NRXN3: variants seen among roughly 807,000 people sequenced by gnomAD.
NRXN3 encodes the protein neurexin III.
A neutral mutation model predicts 137.6 loss-of-function variants in NRXN3; 32 were observed. That is an observed-to-expected ratio of 0.23 (90% CI 0.18 to 0.31). The LOEUF is 0.31. NRXN3 is among the 10% of genes least tolerant of loss of function. The probability of loss-of-function intolerance (pLI) is 1.00; values close to 1 mark genes in which losing one functional copy is unlikely to be tolerated. For missense variants in NRXN3, 1,574 were observed against 2,062.5 expected (o/e 0.76, Z 4.59); for synonymous variants, 798 against 784.5 (o/e 1.02, Z -0.29).
intron 15 of NRXN3, among the ~76,000 whole-genome samples, chr14:79,198,932 C>T (rs190735209): frequency 3.3e-5 from 5 of 152,202 alleles, no homozygotes; most frequent in East Asian, 3.9e-4. Context: ...TTTGGGAGGC[C>T]GAGAAAGGCG....
intron 4 of NRXN3, among the ~76,000 whole-genome samples, chr14:78,325,961 G>A (rs1299995619): frequency 6.6e-6 from 1 of 152,004 alleles, no homozygotes; most frequent in Non-Finnish European, 1.5e-5. Context: ...TCCTGGAGAG[G>A]GTGACAAACT....
intron 15 of NRXN3, among the ~76,000 whole-genome samples, chr14:79,376,443 C>T (rs1053483097): frequency 6.6e-6 from 1 of 151,742 alleles, no homozygotes; most frequent in African/African-American, 2.4e-5. Context: ...TCCTCATCCT[C>T]CAATTAATTA....
intron 4 of NRXN3, among the ~76,000 whole-genome samples, chr14:78,524,988 C>A (rs2153806288): frequency 6.6e-6 from 1 of 152,258 alleles, no homozygotes; most frequent in South Asian, 2.1e-4. Flanking sequence ...CGGCATAATC[C>A]TCTTAACGGC....
intron 4 of NRXN3, among the ~76,000 whole-genome samples, chr14:78,556,764 A>G (rs2096740425): frequency 6.6e-6 from 1 of 152,058 alleles, no homozygotes; most frequent in Non-Finnish European, 1.5e-5. Flanking sequence ...CCTGATCTCC[A>G]TTTTTGTAGA....
chr14:79,138,749 G>T (rs560060780), intron 15 of NRXN3, among the ~76,000 whole-genome samples: 1 of 152,326 alleles, frequency 6.6e-6, no homozygotes, highest in South Asian at 2.1e-4. Context: ...GCTAAAAATA[G>T]TTCTTGATAT....
intron 15 of NRXN3, among the ~76,000 whole-genome samples, chr14:79,052,760 G>A (rs2099643763): frequency 6.6e-6 from 1 of 152,190 alleles, no homozygotes; most frequent in Non-Finnish European, 1.5e-5. Context: ...AGACAGGTAG[G>A]ATTCACCTCG....
At chr14:78,578,068 A>G (rs2096954819) in intron 4 of NRXN3, among the ~76,000 whole-genome samples, 2 of 152,236 alleles carry the variant, frequency 1.3e-5, no homozygotes, top group African/African-American at 4.8e-5. Context: ...ATACACACAT[A>G]TATGTAATAT....
chr14:78,447,243 A>G (rs1014906327), intron 4 of NRXN3, among the ~76,000 whole-genome samples: 1 of 152,214 alleles, frequency 6.6e-6, no homozygotes, highest in Non-Finnish European at 1.5e-5. Context: ...AGTGCTGCTG[A>G]TTTCTGTGTG....
At chr14:79,042,991 AG>A (rs1350026270) in intron 15 of NRXN3, among the ~76,000 whole-genome samples, 1 of 152,190 alleles carries the variant, frequency 6.6e-6, no homozygotes, top group Non-Finnish European at 1.5e-5. Context: ...AGCCCAATAA[AG>A]CTTCAGAACA....
chr14:79,138,466 G>A (rs1177918534), intron 15 of NRXN3, among the ~76,000 whole-genome samples: 2 of 152,212 alleles, frequency 1.3e-5, no homozygotes, highest in African/African-American at 2.4e-5. Context: ...TATCAGACAT[G>A]TATGTTCTGA....
chr14:78,730,718 G>A (rs575865408), intron 8 of NRXN3, among the ~76,000 whole-genome samples: 5 of 152,300 alleles, frequency 3.3e-5, no homozygotes, highest in East Asian at 3.9e-4. Flanking sequence ...CACAATAAAT[G>A]AGAAATGGTC....
intron 4 of NRXN3, among the ~76,000 whole-genome samples, chr14:78,526,309 C>G (rs919027343): frequency 5.9e-5 from 9 of 152,200 alleles, no homozygotes; most frequent in African/African-American, 2.2e-4. Flanking sequence ...TGAAATCTCT[C>G]TCTCTTGACT....
chr14:79,231,443 C>A (rs1375422702), intron 15 of NRXN3, among the ~76,000 whole-genome samples: 1 of 152,076 alleles, frequency 6.6e-6, no homozygotes, highest in African/African-American at 2.4e-5. Context: ...ACCAAATATC[C>A]TTCCCATCCC....
chr14:79,343,642 G>A (rs1311834252), intron 15 of NRXN3, among the ~76,000 whole-genome samples: 1 of 152,020 alleles, frequency 6.6e-6, no homozygotes, highest in Non-Finnish European at 1.5e-5. Context: ...ACAACTCTGG[G>A]GCCAACTGCT....
At chr14:79,305,076 A>T (rs1256542489) in intron 15 of NRXN3, among the ~76,000 whole-genome samples, 1 of 152,032 alleles carries the variant, frequency 6.6e-6, no homozygotes, top group African/African-American at 2.4e-5. Context: ...CAGCTATGTA[A>T]CCTTGGGCAA....
intron 16 of NRXN3, among the ~76,000 whole-genome samples, chr14:79,502,767 G>C (rs961376394): frequency 6.6e-6 from 1 of 151,862 alleles, no homozygotes; most frequent in African/African-American, 2.4e-5. Context: ...TAGCATGCTG[G>C]TTCTCAGACC....
At chr14:78,430,557 C>A (rs1036909441) in intron 4 of NRXN3, among the ~76,000 whole-genome samples, 3 of 152,202 alleles carry the variant, frequency 2.0e-5, no homozygotes, top group Non-Finnish European at 4.4e-5. Flanking sequence ...ACACCACATT[C>A]CTTCTCATCT....
intron 20 of NRXN3, among the ~76,000 whole-genome samples, chr14:79,852,877 T>C (rs1431093782): frequency 2.6e-5 from 4 of 151,546 alleles, no homozygotes; most frequent in Non-Finnish European, 4.4e-5. Flanking sequence ...TATCTATATA[T>C]ATATATCAAT....
At chr14:79,782,429 A>G (rs1306285362) in intron 19 of NRXN3, among the ~76,000 whole-genome samples, 1 of 152,210 alleles carries the variant, frequency 6.6e-6, no homozygotes. Flanking sequence ...ATATATAAAG[A>G]GTATTCTGAG....
Sources: gnomAD v4.1 joint callset for allele counts (sites outside exome capture counted in the v4.1 genomes callset) on GRCh38, gnomAD v4.1.1 for gene constraint, MANE v1.5 for transcripts, NCBI Gene and HGNC (gene_info 2026-07-23, HGNC 2026-07-21) for gene names.